LGMN: variants seen among roughly 807,000 people sequenced by gnomAD.
LGMN encodes legumain, also known as asparaginyl endopeptidase.
In LGMN, 36 loss-of-function variants were observed where a neutral mutation model predicts 56.8. The observed-to-expected ratio is 0.63, with a 90% confidence interval of 0.49 to 0.84. The LOEUF (loss-of-function observed/expected upper bound fraction) is 0.84, where lower values mean the gene tolerates loss of function less well. Ranked by LOEUF, LGMN falls within the 40% of genes least tolerant of loss-of-function variation. The pLI is 0.00. For synonymous variants in LGMN, 199 were observed against 210.1 expected (o/e 0.95, Z 0.46); for missense variants, 446 against 556.1 (o/e 0.80, Z 1.99).
chr14:92,730,774 C>T (rs1271816), intron 2 of LGMN, among the ~76,000 whole-genome samples: 116,334 of 151,704 alleles, frequency 0.77, 45,502 homozygotes, highest in African/African-American at 0.93. Context: ...TGAAACCCGG[C>T]CTCTGCTAAA....
intron 12 of LGMN, among the ~76,000 whole-genome samples, chr14:92,705,068 G>A (rs1020631764): frequency 4.6e-5 from 7 of 152,216 alleles, no homozygotes; most frequent in African/African-American, 1.4e-4. Flanking sequence ...GGAGATGGAC[G>A]GCGTGTGAAA....
intron 10 of LGMN, 118 bp downstream of exon 10, chr14:92,711,541 C>T: frequency 1.1e-6 from 1 of 945,654 alleles, no homozygotes; most frequent in Non-Finnish European, 1.7e-6. Context: ...CAGAGGCATC[C>T]CTGCCTCAAG....
At position 92,704,101 on chromosome 14, in the gene LGMN, C is replaced by T; in HGVS notation, c.*218G>A. The T allele has an allele frequency of 1.4e-6, 1 of 710,464 alleles. No individual in the cohort carries two copies. The highest frequency in any genetic ancestry group is 2.6e-6 in the Non-Finnish European group (1 of 391,910). 44.0% of individuals were successfully genotyped at this position (710,464 alleles called of 1,614,324 possible). Reference sequence around the variant, plus strand: ...AAATATGACCCTTCTCAATACAGAGCTTTTCCCACCCTAATTTGTAGTTTT... The same window carrying T: ...AAATATGACCCTTCTCAATACAGAGTTTTTCCCACCCTAATTTGTAGTTTT... On this transcript the variant is annotated 3_prime_UTR_variant, in exon 14 of 14. Transcript: ENST00000334869.
intron 2 of LGMN, 107 bp downstream of exon 2, chr14:92,732,542 G>T: frequency 1.6e-6 from 2 of 1,270,346 alleles, no homozygotes; most frequent in Non-Finnish European, 2.2e-6. Flanking sequence ...AGCCTAACAG[G>T]TCCGTCAATG....
intron 1 of LGMN, among the ~76,000 whole-genome samples, chr14:92,737,040 C>T (rs1891339852): frequency 6.6e-6 from 1 of 152,148 alleles, no homozygotes; most frequent in African/African-American, 2.4e-5. Flanking sequence ...CAGCAGCCTC[C>T]CTGGAAAGCC....
chr14:92,728,477 G>A (rs1217392262), intron 2 of LGMN, among the ~76,000 whole-genome samples: 2 of 152,164 alleles, frequency 1.3e-5, no homozygotes, highest in Non-Finnish European at 2.9e-5. Flanking sequence ...AAGTATTTGT[G>A]TATCTAAACA....
chr14:92,734,487 A>G (rs564286059), intron 1 of LGMN, among the ~76,000 whole-genome samples: 1 of 152,064 alleles, frequency 6.6e-6, no homozygotes, highest in African/African-American at 2.4e-5. Context: ...TAAAAATACA[A>G]AAATTAGCCA....
At position 92,704,308 on chromosome 14, in the gene LGMN, G is replaced by C. The variant is rs1566911638; in HGVS notation, c.*11C>G. The C allele has an allele frequency of 6.2e-7, 1 of 1,614,042 alleles. No individual in the cohort carries two copies. The highest frequency in any genetic ancestry group is 8.5e-7 in the Non-Finnish European group (1 of 1,180,004). On this transcript the variant is annotated 3_prime_UTR_variant, in exon 14 of 14. Transcript: ENST00000334869. ...CGCTCACACTTGGAAAAGCTTCCAG[G>C]AGGCAGCTCTTCAGTAGTGACCAAG... is the stretch of plus-strand genomic sequence containing the variant.
intron 2 of LGMN, among the ~76,000 whole-genome samples, chr14:92,731,349 C>T (rs905140897): frequency 4.6e-5 from 7 of 152,316 alleles, no homozygotes; most frequent in South Asian, 4.1e-4. Flanking sequence ...CTAAAACAGA[C>T]GATTCAGTGG....
chr14:92,707,336 A>T (rs184566027), intron 11 of LGMN, among the ~76,000 whole-genome samples: 4 of 151,712 alleles, frequency 2.6e-5, no homozygotes, highest in East Asian at 3.9e-4. Context: ...TCTGAATTCC[A>T]CAAAGACCCT....
intron 11 of LGMN, among the ~76,000 whole-genome samples, chr14:92,707,860 GAAA>G: frequency 6.6e-6 from 1 of 152,110 alleles, no homozygotes; most frequent in Admixed American, 6.6e-5. Flanking sequence ...GCAAACACAA[GAAA>G]ACTCTGAGCC....
intron 7 of LGMN, 45 bp downstream of exon 7, chr14:92,713,778 C>T (rs932265979): frequency 1.4e-6 from 2 of 1,425,640 alleles, no homozygotes; most frequent in East Asian, 2.3e-5. Context: ...CACGGCTTTC[C>T]TCACACCCCC....
At chr14:92,746,960 T>A (rs1028503975) in intron 1 of LGMN, among the ~76,000 whole-genome samples, 8 of 138,842 alleles carry the variant, frequency 5.8e-5, no homozygotes, top group Non-Finnish European at 9.1e-5. Flanking sequence ...GGCGTGGACC[T>A]GGGAGGCGGA....
At chr14:92,728,256 T>C (rs1890842328) in intron 2 of LGMN, among the ~76,000 whole-genome samples, 1 of 152,210 alleles carries the variant, frequency 6.6e-6, no homozygotes. Flanking sequence ...AGGCATTAGT[T>C]AGATTCTCAC....
intron 2 of LGMN, among the ~76,000 whole-genome samples, chr14:92,719,987 A>G (rs1321214930): frequency 6.6e-6 from 1 of 152,218 alleles, no homozygotes; most frequent in Non-Finnish European, 1.5e-5. Context: ...TGCACTCTAA[A>G]CAACACTGAG....
At position 92,714,021 on chromosome 14, in the gene LGMN, C is replaced by A; in HGVS notation, c.481-136G>T. 1 of 737,744 alleles carries A rather than the reference C, an allele frequency of 1.4e-6. No homozygotes were observed. The highest frequency in any genetic ancestry group is 2.4e-6 in the Non-Finnish European group (1 of 412,896). 45.7% of individuals were successfully genotyped at this position (737,744 alleles called of 1,614,324 possible). A position where few individuals can be genotyped will look rare whatever the true frequency, so the allele number is the denominator to read the frequency against. ...GAAGTAATCATGGTGAAGAACATAA[C>A]CCCAGAATGTCGTCACATGTTTTAT... On this transcript the variant is annotated intron_variant, in intron 6 of 13. Coordinates refer to ENST00000334869, the MANE Select transcript of LGMN (RefSeq NM_005606.7). This position sits in a 1 kb window ranked among gnomAD's most constrained non-coding sequence, Gnocchi z 5.1.
intron 2 of LGMN, among the ~76,000 whole-genome samples, chr14:92,730,696 G>T (rs947448347): frequency 7.9e-5 from 12 of 152,194 alleles, no homozygotes; most frequent in African/African-American, 2.9e-4. Flanking sequence ...TGTAATCCCA[G>T]CACTTTGGGA....
intron 10 of LGMN, among the ~76,000 whole-genome samples, chr14:92,710,460 C>G (rs1218657367): frequency 6.6e-6 from 1 of 152,236 alleles, no homozygotes. Context: ...CAGGCTGATG[C>G]TTGGCATCAA....
intron 2 of LGMN, among the ~76,000 whole-genome samples, chr14:92,719,257 ACCGCCACCGCCGCCG>A (rs1566924183): frequency 3.1e-3 from 34 of 10,904 alleles, no homozygotes; most frequent in Non-Finnish European, 5.2e-3. Flanking sequence ...CACCACCACC[ACCGCCACCGCCGCCG>A]CCGCCACCGC....
Sources: allele counts gnomAD v4.1 joint callset (sites outside exome capture counted in the v4.1 genomes callset), GRCh38; gene constraint gnomAD v4.1.1; non-coding constraint Gnocchi (gnomAD v3.1); transcripts MANE v1.5; gene names NCBI Gene and HGNC (gene_info 2026-07-23, HGNC 2026-07-21).